ATP6V0A1: variants seen among roughly 807,000 people sequenced by gnomAD.
ATP6V0A1 encodes ATPase H+ transporting V0 subunit a1.
In ATP6V0A1, 43 loss-of-function variants were observed where a neutral mutation model predicts 105.4. The ratio of observed to expected loss-of-function variants is 0.41; its 90% CI spans 0.32 to 0.53. The LOEUF (loss-of-function observed/expected upper bound fraction) is 0.53, where lower values mean the gene tolerates loss of function less well. Among genes scored for constraint, ATP6V0A1 ranks in the 20% least tolerant of loss-of-function variants. ATP6V0A1 has a pLI of 0.30. For synonymous variants in ATP6V0A1, 362 were observed against 372.8 expected (o/e 0.97, Z 0.33); for missense variants, 676 against 1,051.1 (o/e 0.64, Z 4.93).
intron 8 of ATP6V0A1, among the ~76,000 whole-genome samples, chr17:42,481,584 C>T (rs531045786): frequency 6.6e-6 from 1 of 152,160 alleles, no homozygotes; most frequent in Non-Finnish European, 1.5e-5. Context: ...TGGCTCATGC[C>T]TGTAATCCCA....
intron 5 of ATP6V0A1, among the ~76,000 whole-genome samples, chr17:42,471,710 G>A (rs1171289784): frequency 6.6e-6 from 1 of 152,108 alleles, no homozygotes; most frequent in African/African-American, 2.4e-5. Flanking sequence ...CTCCAGCCTG[G>A]GGGACAGAGC....
Position 42,487,355 on chromosome 17 carries a change from C to T in ATP6V0A1, c.1011C>T (p.Leu337=). Residue 337 remains leucine, a synonymous_variant, in exon 10 of 22, where the codon CTC becomes CTT. Coordinates refer to ENST00000343619, the MANE Select transcript of ATP6V0A1 (RefSeq NM_001130021.3). ...ACCTTGACTCCATCCAGTTTGCACT[C>T]AGAAGGGGCACGGTGAGTCCCCAAA... ...VTDLDSIQFA[L]RRGTEHSGST... is the part of the protein sequence containing the mutation. 6.2e-7 allele frequency: 1 copy of T among 1,613,826 alleles called. No individual in the cohort carries two copies. Among genetic ancestry groups the T allele is most frequent in the South Asian group, 1.1e-5 (1 of 91,032 alleles).
intron 1 of ATP6V0A1, among the ~76,000 whole-genome samples, chr17:42,459,910 A>T (rs1205756796): frequency 1.3e-5 from 2 of 152,166 alleles, no homozygotes; most frequent in African/African-American, 2.4e-5. Flanking sequence ...TGCCCTTATG[A>T]CACTAAAAAT....
intron 10 of ATP6V0A1, among the ~76,000 whole-genome samples, chr17:42,488,071 G>A (rs1161410062): frequency 2.0e-5 from 3 of 152,208 alleles, no homozygotes; most frequent in Admixed American, 6.5e-5. Context: ...CAGAAGTGCT[G>A]TAAGTGCCTG....
chr17:42,462,293 C>T (rs1453257377), intron 2 of ATP6V0A1, among the ~76,000 whole-genome samples: 1 of 151,846 alleles, frequency 6.6e-6, no homozygotes, highest in Non-Finnish European at 1.5e-5. Context: ...AAGAGGGAAA[C>T]ATTCCGTGTA....
chr17:42,476,761 A>G (rs932324193), intron 5 of ATP6V0A1, among the ~76,000 whole-genome samples: 8 of 152,070 alleles, frequency 5.3e-5, no homozygotes, highest in African/African-American at 1.9e-4. Flanking sequence ...TTTAAATCTT[A>G]CCAATTAAAC....
rs1235478442 is a variant in ATP6V0A1, at chr17:42,494,392, T to A, written c.1233T>A (p.Gly411=). ...TTGCTGTGATGTTTGGAGACTTCGG[T>A]CATGGCATTTTAATGACCCTTTTTG... ...FLFAVMFGDF[G]HGILMTLFAV... Residue 411 remains glycine, a synonymous_variant, in exon 12 of 22, where the codon GGT becomes GGA. Transcript: ENST00000343619. The A allele has an allele frequency of 1.9e-6, 3 of 1,613,754 alleles. No homozygotes were observed. In the South Asian group the frequency reaches 3.3e-5, roughly 18 times the overall value.
At chr17:42,459,463 T>G in intron 1 of ATP6V0A1, among the ~76,000 whole-genome samples, 1 of 152,252 alleles carries the variant, frequency 6.6e-6, no homozygotes, top group Non-Finnish European at 1.5e-5. Context: ...CTTCATATTT[T>G]GTTTTGTGAT....
At position 42,494,368 on chromosome 17, in the gene ATP6V0A1, T is replaced by C; in HGVS notation, c.1209T>C (p.Phe403=). Residue 403 remains phenylalanine (F), a synonymous_variant, in exon 12 of 22, where the codon TTT becomes TTC. Coordinates refer to ENST00000343619, the MANE Select transcript of ATP6V0A1 (RefSeq NM_001130021.3). ...CTATTATCACGTTCCCTTTTCTATT[T>C]GCTGTGATGTTTGGAGACTTCGGTC... ...PYTIITFPFL[F]AVMFGDFGHG... 1.9e-6 allele frequency: 3 copies of C among 1,613,846 alleles called. No homozygotes were observed. The highest frequency in any genetic ancestry group is 2.5e-6 in the Non-Finnish European group (3 of 1,179,750).
At chr17:42,463,339 G>A (rs2086667751) in intron 2 of ATP6V0A1, among the ~76,000 whole-genome samples, 1 of 152,066 alleles carries the variant, frequency 6.6e-6, no homozygotes, top group African/African-American at 2.4e-5. Flanking sequence ...AAAAGTATCT[G>A]TGTCTACTGC....
intron 19 of ATP6V0A1, among the ~76,000 whole-genome samples, chr17:42,508,791 C>A (rs956373430): frequency 6.6e-6 from 1 of 152,206 alleles, no homozygotes. Flanking sequence ...TGTCGGTCAC[C>A]TCTGTCTTTG....
chr17:42,500,307 C>T (rs2091563790), intron 15 of ATP6V0A1, among the ~76,000 whole-genome samples: 1 of 152,052 alleles, frequency 6.6e-6, no homozygotes, highest in African/African-American at 2.4e-5. Flanking sequence ...GGCAAAACCC[C>T]ATCTCTACAA....
At position 42,466,447 on chromosome 17, in the gene ATP6V0A1, G is replaced by A. The variant is rs938187145; in HGVS notation, c.136G>A (p.Val46Ile). The change falls in exon 3 of 22, where the codon GTT becomes ATT. Residue 46 changes from valine (V) to isoleucine (I), a missense_variant. Transcript: ENST00000343619. ...TTTTCAGTTAAATCCAGATGTGAATGTTTTCCAACGGAAATTTGTGAATGA... is the reference window on the plus strand; with the variant it reads ...TTTTCAGTTAAATCCAGATGTGAATATTTTCCAACGGAAATTTGTGAATGA... ...QFRDLNPDVN[V>I]FQRKFVNEVR... 2 of 1,613,182 alleles carry A rather than the reference G, an allele frequency of 1.2e-6. No homozygotes were observed. Among genetic ancestry groups the A allele is most frequent in the Admixed American group, 3.3e-5 (2 of 60,006 alleles).
intron 20 of ATP6V0A1, 41 bp downstream of exon 20, chr17:42,514,019 C>G (rs372018203): frequency 1.3e-6 from 2 of 1,579,372 alleles, no homozygotes; most frequent in East Asian, 2.2e-5. Flanking sequence ...TAGTTTCCCC[C>G]TCTGTGGGCG....
At chr17:42,484,766 C>T (rs2089929622) in intron 9 of ATP6V0A1, among the ~76,000 whole-genome samples, 1 of 152,078 alleles carries the variant, frequency 6.6e-6, no homozygotes, top group African/African-American at 2.4e-5. Flanking sequence ...TACTTAATCC[C>T]AAAGGCAGTT....
chr17:42,482,382 A>G (rs2089621479), intron 8 of ATP6V0A1, among the ~76,000 whole-genome samples: 1 of 152,042 alleles, frequency 6.6e-6, no homozygotes, highest in African/African-American at 2.4e-5. Flanking sequence ...CCTAGACTCA[A>G]GCAATCCACC....
chr17:42,492,434 T>C (rs1303978713), intron 11 of ATP6V0A1, among the ~76,000 whole-genome samples: 1 of 149,304 alleles, frequency 6.7e-6, no homozygotes, highest in African/African-American at 2.5e-5. Context: ...GGGCCAGGTG[T>C]GGTGGCTCAC....
chr17:42,472,195 A>G (rs1291083606), intron 5 of ATP6V0A1, among the ~76,000 whole-genome samples: 2 of 151,668 alleles, frequency 1.3e-5, no homozygotes, highest in Non-Finnish European at 2.9e-5. Flanking sequence ...CTGGGATTAC[A>G]GGTGCTCACC....
intron 5 of ATP6V0A1, among the ~76,000 whole-genome samples, chr17:42,473,374 G>C (rs1015677568): frequency 1.3e-5 from 2 of 152,156 alleles, no homozygotes; most frequent in African/African-American, 4.8e-5. Context: ...CATATAATGA[G>C]CACCTACTTA....
Sources: gnomAD v4.1 joint callset for allele counts (sites outside exome capture counted in the v4.1 genomes callset) on GRCh38, gnomAD v4.1.1 for gene constraint, MANE v1.5 for transcripts, NCBI Gene and HGNC (gene_info 2026-07-23, HGNC 2026-07-21) for gene names.